CCDC3: variants seen among roughly 807,000 people sequenced by gnomAD.
CCDC3 encodes coiled-coil domain containing 3.
A neutral mutation model predicts 21.4 loss-of-function variants in CCDC3; 24 were observed. The observed-to-expected ratio is 1.12, with a 90% CI of 0.81 to 1.58. The LOEUF (loss-of-function observed/expected upper bound fraction) is 1.58, where lower values mean the gene tolerates loss of function less well. CCDC3 is among the 40% of genes most tolerant of loss of function. The pLI, the probability that CCDC3 is intolerant of heterozygous loss-of-function variation, is 0.00. For synonymous variants in CCDC3, 186 were observed against 166.0 expected (o/e 1.12, Z -0.93); for missense variants, 425 against 360.9 (o/e 1.18, Z -1.44).
intron 3 of CCDC3, among the ~76,000 whole-genome samples, chr10:13,089,664 T>C (rs1190732605): frequency 6.6e-6 from 1 of 151,884 alleles, no homozygotes; most frequent in Non-Finnish European, 1.5e-5. Context: ...ATTCAGCCAT[T>C]TTTTTAAATT....
At chr10:12,941,169 G>C (rs7083738) in intron 2 of CCDC3, among the ~76,000 whole-genome samples, 19,772 of 152,166 alleles carry the variant, frequency 0.13, 1,354 homozygotes, top group African/African-American at 0.19. Context: ...ACGTGGTGAC[G>C]AGAGTGTCCT....
chr10:12,912,336 TATCTC>T (rs1834282732), intron 2 of CCDC3, among the ~76,000 whole-genome samples: 1 of 152,220 alleles, frequency 6.6e-6, no homozygotes, highest in Non-Finnish European at 1.5e-5. Flanking sequence ...TGTGAGATGA[TATCTC>T]ATATTCATTT....
intron 5 of CCDC3, among the ~76,000 whole-genome samples, chr10:13,010,198 A>G (rs1187752355): frequency 6.6e-6 from 1 of 152,228 alleles, no homozygotes; most frequent in Non-Finnish European, 1.5e-5. Context: ...GAGTGAGCCA[A>G]GATCATGCCA....
chr10:12,945,848 ATC>A (rs1834908206), intron 2 of CCDC3, among the ~76,000 whole-genome samples: 1 of 152,156 alleles, frequency 6.6e-6, no homozygotes, highest in Non-Finnish European at 1.5e-5. Context: ...GCCTTTGACT[ATC>A]TGTTGGCTGA....
intron 2 of CCDC3, among the ~76,000 whole-genome samples, chr10:12,942,858 C>T (rs1834855028): frequency 6.6e-6 from 1 of 152,158 alleles, no homozygotes. Flanking sequence ...GCCTATTCAA[C>T]CTTGGCTCTT....
intron 5 of CCDC3, among the ~76,000 whole-genome samples, chr10:13,042,924 A>AAAAG (rs1564330459): frequency 6.7e-6 from 1 of 148,544 alleles, no homozygotes. Flanking sequence ...AAAAAAAAAA[A>AAAAG]AAAGAAAAGA....
intron 2 of CCDC3, among the ~76,000 whole-genome samples, chr10:12,940,298 T>G (rs1369036000): frequency 1.6e-5 from 2 of 123,984 alleles, no homozygotes; most frequent in East Asian, 5.0e-4. Flanking sequence ...TGTGATTTTA[T>G]AGTTGGGAAG....
chr10:12,967,152 A>G (rs1835273753), intron 2 of CCDC3, among the ~76,000 whole-genome samples: 1 of 152,180 alleles, frequency 6.6e-6, no homozygotes, highest in South Asian at 2.1e-4. Context: ...CTGGTTCCAT[A>G]TGCAATGTAT....
chr10:13,095,230 A>C (rs986645150), intron 3 of CCDC3, among the ~76,000 whole-genome samples: 1 of 152,176 alleles, frequency 6.6e-6, no homozygotes, highest in African/African-American at 2.4e-5. Context: ...CATCCTCGGA[A>C]TATTTGGAAC....
At chr10:12,966,291 A>C (rs1236036234) in intron 2 of CCDC3, among the ~76,000 whole-genome samples, 1 of 78,276 alleles carries the variant, frequency 1.3e-5, no homozygotes, top group African/African-American at 3.5e-5. Flanking sequence ...CAAGGTTGAG[A>C]AACTAGAAAC....
intron 2 of CCDC3, among the ~76,000 whole-genome samples, chr10:12,947,916 G>A (rs1834941768): frequency 6.6e-6 from 1 of 152,128 alleles, no homozygotes; most frequent in Non-Finnish European, 1.5e-5. Context: ...AGAAACAGAG[G>A]CTCAGAAGAC....
At chr10:13,032,049 T>G (rs1836311431) in intron 5 of CCDC3, among the ~76,000 whole-genome samples, 2 of 152,064 alleles carry the variant, frequency 1.3e-5, no homozygotes, top group African/African-American at 4.8e-5. Flanking sequence ...AAAAGAGAAT[T>G]TTAGACCAAT....
chr10:12,965,386 T>C (rs1438365393), intron 2 of CCDC3, among the ~76,000 whole-genome samples: 1 of 152,146 alleles, frequency 6.6e-6, no homozygotes, highest in African/African-American at 2.4e-5. Context: ...CCCTCCTCCC[T>C]CCCAAAGGAC....
At chr10:13,021,809 G>A (rs1390758630) in intron 5 of CCDC3, among the ~76,000 whole-genome samples, 2 of 152,116 alleles carry the variant, frequency 1.3e-5, no homozygotes, top group East Asian at 3.9e-4. Flanking sequence ...TATTGCCCAG[G>A]CTGGAGTGCA....
At chr10:12,999,102 C>T (rs112745639) in intron 1 of CCDC3, among the ~76,000 whole-genome samples, 3,208 of 152,088 alleles carry the variant, frequency 0.021, 132 homozygotes, top group African/African-American at 0.073. Context: ...TAGCTGGGCA[C>T]GGTGGCACAC....
chr10:12,964,821 G>C (rs892150834), intron 2 of CCDC3, among the ~76,000 whole-genome samples: 1 of 152,216 alleles, frequency 6.6e-6, no homozygotes, highest in Non-Finnish European at 1.5e-5. Flanking sequence ...GCATTAGGGA[G>C]TAAAGTTTAT....
intron 4 of CCDC3, among the ~76,000 whole-genome samples, chr10:13,056,149 G>T (rs1178000725): frequency 6.6e-6 from 1 of 152,154 alleles, no homozygotes. Flanking sequence ...GCCCAACGTA[G>T]ATCCAAGTCA....
upstream of CCDC3, among the ~76,000 whole-genome samples, chr10:13,004,086 G>T (rs924914780): frequency 6.6e-6 from 1 of 152,192 alleles, no homozygotes; most frequent in African/African-American, 2.4e-5. Flanking sequence ...TTCTGTGAGT[G>T]AATTATTGGG....
At chr10:12,935,593 A>G (rs923445085) in intron 2 of CCDC3, among the ~76,000 whole-genome samples, 1 of 151,936 alleles carries the variant, frequency 6.6e-6, no homozygotes, top group Non-Finnish European at 1.5e-5. Context: ...TTCTTAGCAT[A>G]TCAATTATAA....
Sources: allele counts gnomAD v4.1 joint callset (sites outside exome capture counted in the v4.1 genomes callset), GRCh38; gene constraint gnomAD v4.1.1; transcripts MANE v1.5; gene names NCBI Gene and HGNC (gene_info 2026-07-23, HGNC 2026-07-21).